The following PJA2 variants were observed in gnomAD, a reference collection of about 807,000 sequenced individuals.
The protein encoded by PJA2 is praja ring finger ubiquitin ligase 2, also known as E3 ubiquitin-protein ligase Praja-2.
PJA2 carries 25 observed loss-of-function variants against 69.3 expected under a neutral mutation model. That is an observed-to-expected ratio of 0.36 (90% confidence interval 0.26 to 0.50). PJA2 has a LOEUF of 0.50. PJA2 is among the 20% of genes least tolerant of loss of function. PJA2 has a pLI of 0.96. For synonymous variants in PJA2, 308 were observed against 277.8 expected (o/e 1.11, Z -1.08); for missense variants, 809 against 830.2 (o/e 0.97, Z 0.31).
chr5:109,404,431 T>G (rs574562419), intron 1 of PJA2, among the ~76,000 whole-genome samples: 1 of 151,858 alleles, frequency 6.6e-6, no homozygotes, highest in African/African-American at 2.4e-5. Context: ...TGAGGCAGAA[T>G]TGCTTGAGCC....
intron 7 of PJA2, among the ~76,000 whole-genome samples, chr5:109,347,567 G>A (rs1217409212): frequency 6.6e-6 from 1 of 152,224 alleles, no homozygotes; most frequent in African/African-American, 2.4e-5. Context: ...AGAGTACCTA[G>A]GGGCTTGGTC....
intron 1 of PJA2, among the ~76,000 whole-genome samples, chr5:109,394,555 T>C (rs1747365349): frequency 1.3e-5 from 2 of 152,268 alleles, no homozygotes. Context: ...AACTTTTCTT[T>C]CACACACTTG....
chr5:109,371,722 A>C (rs1762678375), intron 4 of PJA2, among the ~76,000 whole-genome samples: 2 of 152,202 alleles, frequency 1.3e-5, no homozygotes, highest in Admixed American at 1.3e-4. Context: ...TTCTAATGCT[A>C]CTGCTTTAGT....
chr5:109,396,894 AG>A (rs1377045048), intron 1 of PJA2, among the ~76,000 whole-genome samples: 1 of 152,206 alleles, frequency 6.6e-6, no homozygotes, highest in Non-Finnish European at 1.5e-5. Flanking sequence ...GAAATATAAA[AG>A]AAAAAATTGA....
chr5:109,364,980 T>A (rs182922513), intron 5 of PJA2, among the ~76,000 whole-genome samples: 1 of 152,272 alleles, frequency 6.6e-6, no homozygotes, highest in Admixed American at 6.5e-5. Flanking sequence ...TAATACCCTG[T>A]GTGTTGGTGA....
At position 109,383,440 on chromosome 5, in the gene PJA2, C is replaced by T; in HGVS notation, c.-7G>A. On this transcript the variant is annotated 5_prime_UTR_variant, in exon 2 of 10. Transcript: ENST00000361189. ...TTTCAGTGTACTGTGACATATATGGCAGCGTCTGTGTGACCAGTTCAGTAG... is the reference window on the plus strand; with the variant it reads ...TTTCAGTGTACTGTGACATATATGGTAGCGTCTGTGTGACCAGTTCAGTAG... 2.5e-6 allele frequency: 4 copies of T among 1,611,496 alleles called. No individual in the cohort carries two copies. In the South Asian group the frequency reaches 4.4e-5, roughly 18 times the overall value.
intron 4 of PJA2, among the ~76,000 whole-genome samples, chr5:109,376,152 T>C (rs1413781162): frequency 6.6e-6 from 1 of 152,074 alleles, no homozygotes; most frequent in Admixed American, 6.6e-5. Context: ...TTCCATCATT[T>C]TGGCATACCC....
chr5:109,351,920 A>C (rs889246474), intron 7 of PJA2, among the ~76,000 whole-genome samples: 1 of 152,216 alleles, frequency 6.6e-6, no homozygotes, highest in Non-Finnish European at 1.5e-5. Context: ...AAAATGATTA[A>C]ATAAATGCAT....
intron 1 of PJA2, among the ~76,000 whole-genome samples, chr5:109,401,217 G>C (rs1370313602): frequency 6.6e-6 from 1 of 152,104 alleles, no homozygotes; most frequent in Non-Finnish European, 1.5e-5. Flanking sequence ...CCGGGAGGTA[G>C]AGGTTGCAGT....
chr5:109,359,454 C>T (rs1259850629), intron 6 of PJA2, among the ~76,000 whole-genome samples: 1 of 152,124 alleles, frequency 6.6e-6, no homozygotes. Flanking sequence ...AACACCATAA[C>T]CAAATCAAAT....
intron 9 of PJA2, among the ~76,000 whole-genome samples, chr5:109,339,308 G>A (rs928912302): frequency 2.0e-5 from 3 of 152,176 alleles, no homozygotes; most frequent in East Asian, 1.9e-4. Context: ...AGGAAGAGGC[G>A]AAGATGATGA....
intron 1 of PJA2, among the ~76,000 whole-genome samples, chr5:109,398,367 G>A (rs1253051493): frequency 6.6e-6 from 1 of 151,980 alleles, no homozygotes; most frequent in East Asian, 1.9e-4. Context: ...CATAGACTTG[G>A]AACCAACCCA....
intron 1 of PJA2, among the ~76,000 whole-genome samples, chr5:109,398,841 T>A (rs1747476309): frequency 6.6e-6 from 1 of 151,820 alleles, no homozygotes; most frequent in Non-Finnish European, 1.5e-5. Context: ...CAGTTTATAG[T>A]CCAGGCTCCT....
At chr5:109,354,565 C>CGA (rs1236761609) in intron 7 of PJA2, among the ~76,000 whole-genome samples, 1 of 116,238 alleles carries the variant, frequency 8.6e-6, no homozygotes, top group Non-Finnish European at 1.7e-5. Context: ...TATTAGATAT[C>CGA]TATAATATCT....
At chr5:109,406,413 T>A (rs1222019349) in intron 1 of PJA2, among the ~76,000 whole-genome samples, 3 of 152,158 alleles carry the variant, frequency 2.0e-5, no homozygotes, top group African/African-American at 7.2e-5. Flanking sequence ...AGACATACAC[T>A]AGAGCAAATT....
intron 7 of PJA2, among the ~76,000 whole-genome samples, chr5:109,352,874 A>G (rs1354042621): frequency 6.7e-6 from 1 of 150,110 alleles, no homozygotes; most frequent in Non-Finnish European, 1.5e-5. Context: ...ACATCTATAT[A>G]TTAGATATCT....
At chr5:109,338,661 AT>A (rs1469553662) in intron 9 of PJA2, among the ~76,000 whole-genome samples, 5 of 146,766 alleles carry the variant, frequency 3.4e-5, no homozygotes, top group East Asian at 4.1e-4. Context: ...AAAAAAAAAA[AT>A]TTCATTTCAG....
chr5:109,381,361 A>G (rs766230952), intron 3 of PJA2, 142 bp downstream of exon 3: 1 of 625,060 alleles, frequency 1.6e-6, no homozygotes, highest in Admixed American at 3.0e-5. Context: ...AAATTCAATA[A>G]GAATTTCAAA....
chr5:109,379,360 A>G (rs1379867875), intron 3 of PJA2, 106 bp from the exon 4 acceptor site: 1 of 775,508 alleles, frequency 1.3e-6, no homozygotes, highest in Admixed American at 2.9e-5. Flanking sequence ...TACTACTTGA[A>G]TACATGAGTA....
Sources: allele counts gnomAD v4.1 joint callset (sites outside exome capture counted in the v4.1 genomes callset), GRCh38; gene constraint gnomAD v4.1.1; transcripts MANE v1.5; gene names NCBI Gene and HGNC (gene_info 2026-07-23, HGNC 2026-07-21).